PPP3CA: variants seen among roughly 807,000 people sequenced by gnomAD.
PPP3CA encodes protein phosphatase 3 catalytic subunit alpha.
Under a neutral mutation model 66.5 loss-of-function variants are expected in PPP3CA, and 14 were observed. That is an observed-to-expected ratio of 0.21 (90% CI 0.14 to 0.33). PPP3CA has a LOEUF of 0.33. PPP3CA is among the 10% of genes least tolerant of loss of function. PPP3CA has a pLI of 1.00. For missense variants in PPP3CA, 317 were observed against 639.5 expected, an observed-to-expected ratio of 0.50 and a Z score of 5.44; for synonymous variants, 232 against 226.2, an observed-to-expected ratio of 1.03 and a Z score of -0.23.
chr4:101,124,793 AAGAAAG>A (rs879441941), intron 2 of PPP3CA, among the ~76,000 whole-genome samples: 4,280 of 123,532 alleles, frequency 0.035, 297 homozygotes, highest in African/African-American at 0.076. Context: ...GAAAGAAAGA[AAGAAAG>A]AGAAAACTGT....
chr4:101,204,304 G>A (rs1000920953), intron 1 of PPP3CA, among the ~76,000 whole-genome samples: 3 of 152,040 alleles, frequency 2.0e-5, no homozygotes, highest in African/African-American at 7.2e-5. Flanking sequence ...ACCACACCTG[G>A]CCCTGATTTT....
chr4:101,115,041 T>C (rs1239479237), intron 2 of PPP3CA, among the ~76,000 whole-genome samples: 1 of 151,936 alleles, frequency 6.6e-6, no homozygotes, highest in Non-Finnish European at 1.5e-5. Context: ...ATGGGTGGTG[T>C]GGTAGTCCAG....
intron 1 of PPP3CA, among the ~76,000 whole-genome samples, chr4:101,337,130 T>A (rs1056646582): frequency 6.6e-6 from 1 of 152,190 alleles, no homozygotes; most frequent in South Asian, 2.1e-4. Flanking sequence ...ATAAGAATCA[T>A]CTATTCTCTC....
chr4:101,101,525 C>T (rs1172553083), intron 3 of PPP3CA, among the ~76,000 whole-genome samples: 1 of 152,044 alleles, frequency 6.6e-6, no homozygotes, highest in Non-Finnish European at 1.5e-5. Flanking sequence ...GATATGAAAA[C>T]TCCTTTAAAA....
At chr4:101,315,803 T>C (rs1031675788) in intron 1 of PPP3CA, among the ~76,000 whole-genome samples, 57 of 152,216 alleles carry the variant, frequency 3.7e-4, no homozygotes, top group African/African-American at 1.4e-3. Context: ...AATACAGTCA[T>C]GGGTTCGTAG....
intron 1 of PPP3CA, among the ~76,000 whole-genome samples, chr4:101,280,442 T>C (rs1727643182): frequency 6.6e-6 from 1 of 152,164 alleles, no homozygotes; most frequent in South Asian, 2.1e-4. Flanking sequence ...ACAAGTTAAT[T>C]TAGACAGGCA....
chr4:101,106,456 A>AAAGAAAGAAAG (rs1560605199), intron 3 of PPP3CA, among the ~76,000 whole-genome samples: 2 of 23,902 alleles, frequency 8.4e-5, no homozygotes, highest in Admixed American at 3.7e-4. Context: ...AAAGAAAGAG[A>AAAGAAAGAAAG]AAAGAAAAGA....
intron 8 of PPP3CA, among the ~76,000 whole-genome samples, chr4:101,067,165 A>G (rs752518435): frequency 3.9e-5 from 6 of 152,184 alleles, no homozygotes; most frequent in Non-Finnish European, 8.8e-5. Context: ...GAAATTTGGT[A>G]TAATGAAAAG....
rs961696460 is a variant in PPP3CA, at chr4:101,205,367, G to C, written c.59-9251C>G. On this transcript the variant is annotated intron_variant, in intron 1 of 13. Transcript: ENST00000394854. The stretch of plus-strand genomic sequence containing the variant: ...TTAAGCTCTGGGGTACATGAATCCA[G>C]GTACATTTTACCACTCAGAAATCCT... Among the ~76,000 whole-genome samples the C allele has an allele frequency of 3.9e-5, 6 of 151,970 alleles. No homozygotes were observed. The East Asian group carries it at 5.8e-4, about 15-fold the overall frequency.
intron 1 of PPP3CA, among the ~76,000 whole-genome samples, chr4:101,272,466 G>C (rs1191965814): frequency 6.6e-6 from 1 of 152,092 alleles, no homozygotes; most frequent in Non-Finnish European, 1.5e-5. Flanking sequence ...ATCATATCAA[G>C]ATTCACTTAT....
intron 10 of PPP3CA, among the ~76,000 whole-genome samples, chr4:101,043,718 C>A (rs984950403): frequency 2.0e-5 from 3 of 151,882 alleles, no homozygotes; most frequent in African/African-American, 7.3e-5. Flanking sequence ...ACTAAAAATA[C>A]AAAAAAATTA....
At chr4:101,284,017 T>G (rs938818237) in intron 1 of PPP3CA, among the ~76,000 whole-genome samples, 1 of 152,210 alleles carries the variant, frequency 6.6e-6, no homozygotes, top group Non-Finnish European at 1.5e-5. Context: ...AAGTGCTAAA[T>G]AGTCACATAT....
chr4:101,195,012 C>T (rs1724740575), intron 2 of PPP3CA, among the ~76,000 whole-genome samples: 1 of 152,026 alleles, frequency 6.6e-6, no homozygotes, highest in Non-Finnish European at 1.5e-5. Context: ...GTGGCTTATG[C>T]CTGTAATCCC....
At chr4:101,272,104 C>A (rs185621512) in intron 1 of PPP3CA, among the ~76,000 whole-genome samples, 1 of 152,094 alleles carries the variant, frequency 6.6e-6, no homozygotes, top group Non-Finnish European at 1.5e-5. Flanking sequence ...CCATCCTTAG[C>A]TGATAATATG....
chr4:101,235,513 C>T (rs1467561604), intron 1 of PPP3CA, among the ~76,000 whole-genome samples: 1 of 151,400 alleles, frequency 6.6e-6, no homozygotes, highest in Non-Finnish European at 1.5e-5. Context: ...GAATGTAAAG[C>T]AATTTGCAAT....
intron 1 of PPP3CA, among the ~76,000 whole-genome samples, chr4:101,320,508 AC>A (rs1729009996): frequency 2.6e-5 from 4 of 151,684 alleles, no homozygotes; most frequent in Non-Finnish European, 5.9e-5. Context: ...ACACACACAC[AC>A]ACATACACAG....
chr4:101,142,382 G>A lies in PPP3CA; in HGVS notation c.260-33304C>T, dbSNP rs143008008. Among the ~76,000 whole-genome samples the A allele has an allele frequency of 5.2e-3, 799 of 152,296 alleles. 8 individuals carry two copies. The highest frequency in any genetic ancestry group is 0.018 in the African/African-American group (752 of 41,574). On this transcript the variant is annotated intron_variant, in intron 2 of 13. Transcript: ENST00000394854. ...AGAAAATCGTGATATCGGCAGAGTA[G>A]TGGAGACAGTGAGAAAGAGGAAAGC...
At chr4:101,295,223 C>T (rs905699814) in intron 1 of PPP3CA, among the ~76,000 whole-genome samples, 7 of 150,210 alleles carry the variant, frequency 4.7e-5, no homozygotes, top group African/African-American at 1.5e-4. Context: ...ATGGCGTGAA[C>T]CCGGGAAGCG....
intron 1 of PPP3CA, among the ~76,000 whole-genome samples, chr4:101,337,347 T>C (rs1386885697): frequency 6.6e-6 from 1 of 152,250 alleles, no homozygotes; most frequent in African/African-American, 2.4e-5. Context: ...TCACCCTTTT[T>C]TGTTCAGACT....
Sources: allele counts gnomAD v4.1 joint callset (sites outside exome capture counted in the v4.1 genomes callset), GRCh38; gene constraint gnomAD v4.1.1; transcripts MANE v1.5; gene names NCBI Gene and HGNC (gene_info 2026-07-23, HGNC 2026-07-21).